CAMKMT: variants seen among roughly 807,000 people sequenced by gnomAD.
CAMKMT encodes the protein CaM KMT.
Under a neutral mutation model 48.0 loss-of-function variants are expected in CAMKMT, and 53 were observed. The observed-to-expected ratio is 1.10, with a 90% CI of 0.89 to 1.39. The LOEUF is 1.39. Among genes scored for constraint, CAMKMT ranks in the 40% most tolerant of loss-of-function variants. The pLI is 0.00. For synonymous variants in CAMKMT, 165 were observed against 152.3 expected, an observed-to-expected ratio of 1.08 and a Z score of -0.61; for missense variants, 428 against 402.7, an observed-to-expected ratio of 1.06 and a Z score of -0.54.
At chr2:44,480,695 G>C (rs189601746) in intron 3 of CAMKMT, among the ~76,000 whole-genome samples, 1 of 152,196 alleles carries the variant, frequency 6.6e-6, no homozygotes, top group Admixed American at 6.5e-5. Context: ...CAATGTATGA[G>C]TATCTTAACG....
intron 8 of CAMKMT, among the ~76,000 whole-genome samples, chr2:44,743,975 C>T (rs541019540): frequency 3.9e-5 from 6 of 152,198 alleles, no homozygotes; most frequent in Non-Finnish European, 7.4e-5. Flanking sequence ...AGTAAATGGA[C>T]GACTTAGGCA....
chr2:44,527,432 T>A (rs200597315), intron 3 of CAMKMT, among the ~76,000 whole-genome samples: 743 of 36,022 alleles, frequency 0.021, 25 homozygotes, highest in East Asian at 0.16. Context: ...ATATATATAT[T>A]TTTTTTTTTG....
intron 2 of CAMKMT, among the ~76,000 whole-genome samples, chr2:44,387,982 T>C (rs1482181168): frequency 1.3e-5 from 2 of 152,188 alleles, no homozygotes; most frequent in African/African-American, 4.8e-5. Context: ...TCATCTTAAC[T>C]TTTGATAATC....
At chr2:44,530,489 C>T (rs1456781712) in intron 3 of CAMKMT, among the ~76,000 whole-genome samples, 13 of 152,128 alleles carry the variant, frequency 8.5e-5, no homozygotes, top group Non-Finnish European at 1.3e-4. Context: ...AGATTAGCTA[C>T]ATTGTTGGCA....
chr2:44,595,382 G>T (rs1003111001), intron 3 of CAMKMT, among the ~76,000 whole-genome samples: 1 of 152,172 alleles, frequency 6.6e-6, no homozygotes, highest in Admixed American at 6.5e-5. Context: ...TGGGATTACA[G>T]GCGTGAGCCA....
intron 3 of CAMKMT, among the ~76,000 whole-genome samples, chr2:44,675,547 A>G (rs1405930967): frequency 6.6e-6 from 1 of 152,170 alleles, no homozygotes; most frequent in Non-Finnish European, 1.5e-5. Context: ...GACATACAAG[A>G]CAAATTATTT....
At chr2:44,442,840 A>G (rs933852091) in intron 3 of CAMKMT, among the ~76,000 whole-genome samples, 1 of 152,186 alleles carries the variant, frequency 6.6e-6, no homozygotes, top group East Asian at 1.9e-4. Context: ...GATTGTTTTC[A>G]TATCCTTAAC....
chr2:44,576,866 A>G (rs1669251437), intron 3 of CAMKMT, among the ~76,000 whole-genome samples: 1 of 152,252 alleles, frequency 6.6e-6, no homozygotes, highest in African/African-American at 2.4e-5. Flanking sequence ...AACACTAATC[A>G]TAACAAAACA....
intron 3 of CAMKMT, among the ~76,000 whole-genome samples, chr2:44,395,715 A>G (rs894006530): frequency 6.6e-6 from 1 of 152,212 alleles, no homozygotes; most frequent in African/African-American, 2.4e-5. Flanking sequence ...TGAAAGTACC[A>G]AGTAAACTGT....
chr2:44,471,316 C>T (rs1668406352), intron 3 of CAMKMT, among the ~76,000 whole-genome samples: 1 of 151,988 alleles, frequency 6.6e-6, no homozygotes, highest in African/African-American at 2.4e-5. Flanking sequence ...TAGCTGTTTG[C>T]TTTTAATGCT....
chr2:44,664,213 CT>C (rs1423788106), intron 3 of CAMKMT, among the ~76,000 whole-genome samples: 1 of 152,142 alleles, frequency 6.6e-6, no homozygotes, highest in Non-Finnish European at 1.5e-5. Context: ...GCCAAGTAAA[CT>C]TGGATAAAAT....
At chr2:44,523,319 G>A (rs1216812681) in intron 3 of CAMKMT, among the ~76,000 whole-genome samples, 1 of 147,890 alleles carries the variant, frequency 6.8e-6, no homozygotes, top group Non-Finnish European at 1.5e-5. Flanking sequence ...TGGAGACAGA[G>A]TCTCACTCTG....
chr2:44,454,980 T>C (rs1667483056), intron 3 of CAMKMT, among the ~76,000 whole-genome samples: 1 of 152,106 alleles, frequency 6.6e-6, no homozygotes, highest in African/African-American at 2.4e-5. Context: ...CCTCTTGAAA[T>C]CTTAATTTAC....
intron 3 of CAMKMT, among the ~76,000 whole-genome samples, chr2:44,631,065 C>T (rs1200850054): frequency 5.3e-5 from 8 of 152,018 alleles, no homozygotes; most frequent in Admixed American, 1.3e-4. Context: ...TACTATGCAG[C>T]CATAAAAAAT....
At chr2:44,586,375 A>G (rs1033760838) in intron 3 of CAMKMT, among the ~76,000 whole-genome samples, 3 of 91,112 alleles carry the variant, frequency 3.3e-5, no homozygotes, top group African/African-American at 1.1e-4. Flanking sequence ...TATTACCACA[A>G]TCAAAATAAT....
intron 3 of CAMKMT, among the ~76,000 whole-genome samples, chr2:44,561,487 C>A (rs1278427915): frequency 6.6e-6 from 1 of 152,186 alleles, no homozygotes; most frequent in African/African-American, 2.4e-5. Context: ...ATGTGACTTT[C>A]TTTTCCTCGT....
chr2:44,532,594 T>G (rs1280854999), intron 3 of CAMKMT, among the ~76,000 whole-genome samples: 1 of 152,026 alleles, frequency 6.6e-6, no homozygotes, highest in South Asian at 2.1e-4. Context: ...AAATAAACAG[T>G]GACAATGCAT....
At chr2:44,549,458 C>A (rs13425435) in intron 3 of CAMKMT, 408,145 of 661,428 alleles carry the variant, frequency 0.62, 130,235 homozygotes, top group South Asian at 0.69. Flanking sequence ...TCAGTTTTTC[C>A]TGTCCAGTCA....
chr2:44,505,416 C>G lies in CAMKMT; in HGVS notation c.376+115111C>G, dbSNP rs553783621. ...TTTTGATGAAGTCCAATTTATTTTT[C>G]TTTGTGGGTTGTGCTTTTGGCATCA... On this transcript the variant is annotated intron_variant, in intron 3 of 10. Coordinates refer to ENST00000378494, the MANE Select transcript of CAMKMT (RefSeq NM_024766.5). 4.6e-5 allele frequency among the ~76,000 whole-genome samples: 7 copies of G among 152,150 alleles called. No homozygotes were observed. In the South Asian group the frequency reaches 1.5e-3, roughly 32 times the overall value.
Sources: gnomAD v4.1 joint callset for allele counts (sites outside exome capture counted in the v4.1 genomes callset) on GRCh38, gnomAD v4.1.1 for gene constraint, MANE v1.5 for transcripts, NCBI Gene and HGNC (gene_info 2026-07-23, HGNC 2026-07-21) for gene names.